The following THSD7B variants were observed in gnomAD, a reference collection of about 807,000 sequenced individuals.
THSD7B encodes thrombospondin type-1 domain-containing protein 7B.
THSD7B carries 138 observed loss-of-function variants against 213.6 expected under a neutral mutation model. That is an observed-to-expected ratio of 0.65 (90% CI 0.56 to 0.74). The LOEUF is 0.74. THSD7B is among the 30% of genes least tolerant of loss of function. The pLI is 0.00. For synonymous variants in THSD7B, 742 were observed against 687.0 expected (o/e 1.08, Z -1.25); for missense variants, 1,931 against 1,991.5 (o/e 0.97, Z 0.58).
At chr2:137,187,963 G>A (rs1226281732) in intron 7 of THSD7B, among the ~76,000 whole-genome samples, 1 of 151,690 alleles carries the variant, frequency 6.6e-6, no homozygotes, top group Non-Finnish European at 1.5e-5. Context: ...TTCTGTATTT[G>A]CTTTCCATGG....
At chr2:137,378,406 T>A (rs1685706786) in intron 12 of THSD7B, among the ~76,000 whole-genome samples, 1 of 152,174 alleles carries the variant, frequency 6.6e-6, no homozygotes, top group Non-Finnish European at 1.5e-5. Flanking sequence ...ATTTATTTGG[T>A]CCAGTTTACA....
At chr2:137,010,474 T>A (rs1558885863) in intron 2 of THSD7B, among the ~76,000 whole-genome samples, 1 of 152,168 alleles carries the variant, frequency 6.6e-6, no homozygotes. Flanking sequence ...CTCTGCTATG[T>A]TCTACCATTT....
At chr2:136,922,644 C>G (rs1573712472) in intron 2 of THSD7B, among the ~76,000 whole-genome samples, 1 of 152,268 alleles carries the variant, frequency 6.6e-6, no homozygotes, top group Middle Eastern at 3.4e-3. Flanking sequence ...TTGATGAACT[C>G]TTGTTTGCTA....
At chr2:137,152,942 A>G (rs752412570) in intron 5 of THSD7B, among the ~76,000 whole-genome samples, 4 of 152,098 alleles carry the variant, frequency 2.6e-5, no homozygotes, top group South Asian at 2.1e-4. Flanking sequence ...TGTGTCATCA[A>G]TAATGGTGCT....
intron 2 of THSD7B, among the ~76,000 whole-genome samples, chr2:137,011,429 T>G (rs1330587974): frequency 6.6e-6 from 1 of 152,232 alleles, no homozygotes; most frequent in African/African-American, 2.4e-5. Flanking sequence ...TTGATAATTC[T>G]AAGTTGTACG....
chr2:136,872,916 A>G (rs144430481), intron 1 of THSD7B, among the ~76,000 whole-genome samples: 2 of 148,698 alleles, frequency 1.3e-5, no homozygotes, highest in African/African-American at 4.9e-5. Context: ...GCTATTTACC[A>G]TAGGGTTGCA....
intron 2 of THSD7B, among the ~76,000 whole-genome samples, chr2:136,960,121 T>A (rs2105083329): frequency 6.6e-6 from 1 of 152,226 alleles, no homozygotes; most frequent in East Asian, 1.9e-4. Context: ...TATTTTTTTA[T>A]TTTTTATTTT....
intron 3 of THSD7B, among the ~76,000 whole-genome samples, chr2:137,061,490 GT>G (rs34594996): frequency 0.17 from 24,106 of 143,592 alleles, 2,717 homozygotes; most frequent in African/African-American, 0.32. Context: ...TTAGCTATAG[GT>G]TTTTTTTTTT....
chr2:137,085,971 T>C (rs1037061934), intron 3 of THSD7B, among the ~76,000 whole-genome samples: 5 of 152,246 alleles, frequency 3.3e-5, no homozygotes, highest in Admixed American at 6.5e-5. Context: ...TGTTTCTGTA[T>C]GTCTGTTGTC....
At chr2:136,982,827 T>G (rs755932359) in intron 2 of THSD7B, among the ~76,000 whole-genome samples, 25 of 152,176 alleles carry the variant, frequency 1.6e-4, no homozygotes, top group Non-Finnish European at 3.4e-4. Flanking sequence ...AAAGGTTAAT[T>G]TAGAAATTTT....
chr2:137,399,351 C>G (rs1202190053), intron 12 of THSD7B, among the ~76,000 whole-genome samples: 1 of 152,026 alleles, frequency 6.6e-6, no homozygotes, highest in Non-Finnish European at 1.5e-5. Flanking sequence ...CGCAGCCACG[C>G]CTGGCTAATT....
intron 19 of THSD7B, among the ~76,000 whole-genome samples, chr2:137,620,226 T>C (rs915931408): frequency 7.9e-5 from 12 of 152,212 alleles, no homozygotes; most frequent in African/African-American, 2.7e-4. Context: ...CCTAGCTGGC[T>C]TTCTGTGTTG....
At chr2:137,102,689 A>G (rs1688173146) in intron 4 of THSD7B, among the ~76,000 whole-genome samples, 1 of 152,218 alleles carries the variant, frequency 6.6e-6, no homozygotes, top group Admixed American at 6.5e-5. Context: ...AGAGAAGAAT[A>G]TAAATGACCT....
chr2:136,856,248 A>T (rs1267443256), intron 1 of THSD7B, among the ~76,000 whole-genome samples: 1 of 152,164 alleles, frequency 6.6e-6, no homozygotes, highest in Non-Finnish European at 1.5e-5. Context: ...AATCAGATAA[A>T]CTTGGGCATT....
intron 1 of THSD7B, among the ~76,000 whole-genome samples, chr2:136,864,251 C>G (rs1380113358): frequency 6.6e-6 from 1 of 152,082 alleles, no homozygotes; most frequent in Non-Finnish European, 1.5e-5. Flanking sequence ...CCAAATTGTG[C>G]CACATTTGGT....
intron 12 of THSD7B, among the ~76,000 whole-genome samples, chr2:137,284,506 A>G (rs374737138): frequency 2.6e-5 from 4 of 152,054 alleles, no homozygotes; most frequent in African/African-American, 7.2e-5. Context: ...TGTCAATTTT[A>G]GATCTTTCCT....
At chr2:137,663,734 T>G (rs1683396026) in intron 26 of THSD7B, among the ~76,000 whole-genome samples, 159 bp downstream of exon 26, 1 of 152,210 alleles carries the variant, frequency 6.6e-6, no homozygotes, top group South Asian at 2.1e-4. Context: ...GAATATTACA[T>G]GATATATGAG....
At chr2:137,612,566 GA>G (rs1268037784) in intron 17 of THSD7B, among the ~76,000 whole-genome samples, 1 of 152,018 alleles carries the variant, frequency 6.6e-6, no homozygotes, top group East Asian at 1.9e-4. Flanking sequence ...TGCCAACAAT[GA>G]AAAAAGAAAA....
chr2:137,111,282 A>G (rs1332674554), intron 4 of THSD7B, among the ~76,000 whole-genome samples: 1 of 152,172 alleles, frequency 6.6e-6, no homozygotes, highest in African/African-American at 2.4e-5. Context: ...TCGGACCAAG[A>G]TCAACATTCA....
Sources: allele counts gnomAD v4.1 joint callset (sites outside exome capture counted in the v4.1 genomes callset), GRCh38; gene constraint gnomAD v4.1.1; transcripts MANE v1.5; gene names NCBI Gene and HGNC (gene_info 2026-07-23, HGNC 2026-07-21).